The following PTPRZ1 variants were observed in gnomAD, a reference collection of about 807,000 sequenced individuals.
PTPRZ1 encodes the protein protein tyrosine phosphatase receptor type Z1.
In PTPRZ1, 82 loss-of-function variants were observed where a neutral mutation model predicts 214.1. That is an observed-to-expected ratio of 0.38 (90% CI 0.32 to 0.46). The LOEUF (loss-of-function observed/expected upper bound fraction) is 0.46, where lower values mean the gene tolerates loss of function less well. PTPRZ1 is among the 20% of genes least tolerant of loss of function. The pLI, the probability that PTPRZ1 is intolerant of heterozygous loss-of-function variation, is 1.00. For synonymous variants in PTPRZ1, 945 were observed against 987.9 expected, an observed-to-expected ratio of 0.96 and a Z score of 0.81; for missense variants, 2,603 against 2,748.7, an observed-to-expected ratio of 0.95 and a Z score of 1.19.
intron 10 of PTPRZ1, among the ~76,000 whole-genome samples, chr7:121,998,807 A>G (rs537443903): frequency 6.6e-6 from 1 of 152,266 alleles, no homozygotes; most frequent in African/African-American, 2.4e-5. Flanking sequence ...ATACGTAAAT[A>G]TATATATTCT....
chr7:122,001,358 T>C (rs1363955718), intron 10 of PTPRZ1, among the ~76,000 whole-genome samples: 1 of 152,178 alleles, frequency 6.6e-6, no homozygotes, highest in Non-Finnish European at 1.5e-5. Context: ...ATTTCTCATA[T>C]AAAGATAAAG....
intron 1 of PTPRZ1, among the ~76,000 whole-genome samples, chr7:121,888,299 C>T (rs1326747494): frequency 6.6e-6 from 1 of 151,608 alleles, no homozygotes; most frequent in Non-Finnish European, 1.5e-5. Flanking sequence ...TAGATGAAGA[C>T]TCCCCAGTAA....
intron 13 of PTPRZ1, among the ~76,000 whole-genome samples, chr7:122,021,604 T>G (rs1799018602): frequency 6.6e-6 from 1 of 152,080 alleles, no homozygotes; most frequent in Admixed American, 6.6e-5. Context: ...TAGCTGGGCA[T>G]GGTAGGGCAT....
At chr7:122,017,580 G>A (rs1001103863) in intron 12 of PTPRZ1, among the ~76,000 whole-genome samples, 3 of 53,214 alleles carry the variant, frequency 5.6e-5, no homozygotes, top group African/African-American at 4.1e-4. Context: ...TATTTATTTT[G>A]AGATAGAGTC....
At chr7:121,888,358 A>G (rs1184161844) in intron 1 of PTPRZ1, among the ~76,000 whole-genome samples, 1 of 152,092 alleles carries the variant, frequency 6.6e-6, no homozygotes, top group East Asian at 1.9e-4. Flanking sequence ...TGTGAAAAAT[A>G]AAAGTCTATC....
chr7:121,999,327 C>T (rs965898688), intron 10 of PTPRZ1, among the ~76,000 whole-genome samples: 6 of 151,980 alleles, frequency 3.9e-5, no homozygotes, highest in East Asian at 1.9e-4. Flanking sequence ...TATAGAAAGG[C>T]GAGTATCAAA....
At chr7:122,038,679 A>T in intron 18 of PTPRZ1, 76 bp from the exon 19 acceptor site, 1 of 1,387,134 alleles carries the variant, frequency 7.2e-7, no homozygotes, top group Non-Finnish European at 9.7e-7. Context: ...TGCTGACCTT[A>T]AAAACTTAGG....
At chr7:121,935,653 C>T (rs117069750) in intron 2 of PTPRZ1, among the ~76,000 whole-genome samples, 17,555 of 152,042 alleles carry the variant, frequency 0.12, 1,377 homozygotes, top group South Asian at 0.32. Context: ...CTGCAATCTC[C>T]GCCTCCCAGG....
intron 13 of PTPRZ1, among the ~76,000 whole-genome samples, chr7:122,025,551 G>T (rs920870141): frequency 2.6e-5 from 4 of 151,936 alleles, no homozygotes; most frequent in Admixed American, 1.3e-4. Flanking sequence ...GACTGGTCTT[G>T]AACTCCCGAC....
At chr7:121,988,361 T>C (rs1797832935) in intron 8 of PTPRZ1, among the ~76,000 whole-genome samples, 1 of 152,166 alleles carries the variant, frequency 6.6e-6, no homozygotes, top group Non-Finnish European at 1.5e-5. Flanking sequence ...AGCAATGAAA[T>C]AGAAAAGTCA....
intron 1 of PTPRZ1, among the ~76,000 whole-genome samples, chr7:121,913,813 C>T (rs187357674): frequency 6.6e-6 from 1 of 152,012 alleles, no homozygotes; most frequent in East Asian, 1.9e-4. Flanking sequence ...TAATGTTCAA[C>T]CAAAAGAATT....
intron 1 of PTPRZ1, among the ~76,000 whole-genome samples, chr7:121,881,276 T>G (rs1356454047): frequency 1.3e-5 from 2 of 152,210 alleles, no homozygotes; most frequent in Non-Finnish European, 2.9e-5. Flanking sequence ...GATCTTAAAC[T>G]TCCCAGCCTC....
chr7:121,996,713 A>G lies in PTPRZ1; in HGVS notation c.1113+147A>G, dbSNP rs1798150674. On this transcript the variant is annotated intron_variant, in intron 9 of 29. Coordinates refer to ENST00000393386, the MANE Select transcript of PTPRZ1 (RefSeq NM_002851.3). ...GTAGGCTGAGTATTTTTAAATTTAA[A>G]AAAAAATTTTAAATTAGAAGCTATA... 3 of 549,266 alleles carry G rather than the reference A, an allele frequency of 5.5e-6. No individual in the cohort carries two copies. The East Asian group carries it at 9.9e-5, about 18-fold the overall frequency. The allele number at this position is 549,266 out of a possible 1,614,324, so 34.0% of individuals were successfully genotyped here.
At chr7:121,940,729 C>A (rs1328998438) in intron 2 of PTPRZ1, among the ~76,000 whole-genome samples, 2 of 151,632 alleles carry the variant, frequency 1.3e-5, no homozygotes, top group East Asian at 3.9e-4. Context: ...GGACTTCTGA[C>A]AGGTTTATGT....
chr7:122,024,917 A>G (rs1031551364), intron 13 of PTPRZ1, among the ~76,000 whole-genome samples: 1 of 152,152 alleles, frequency 6.6e-6, no homozygotes, highest in Non-Finnish European at 1.5e-5. Flanking sequence ...CCATTCGTCC[A>G]TCCTTCTCTA....
Position 122,034,117 on chromosome 7 carries a change from T to TA in PTPRZ1, c.5187+4dup. On this transcript the variant is annotated splice_region_variant and intron_variant, in intron 16 of 29. Transcript: ENST00000393386. ...TAGACACTGAAAGAGTTTTACCAGG[T>TA]AAGGCATTATTTCACTGCATTTTCT... The TA allele has an allele frequency of 6.3e-7, 1 of 1,596,434 alleles. No homozygotes were observed. The highest frequency in any genetic ancestry group is 8.6e-7 in the Non-Finnish European group (1 of 1,164,494).
chr7:122,026,103 G>A (rs1469257981), intron 13 of PTPRZ1, among the ~76,000 whole-genome samples: 1 of 152,150 alleles, frequency 6.6e-6, no homozygotes, highest in African/African-American at 2.4e-5. Flanking sequence ...TATTCTTTGA[G>A]TACCATTTGT....
chr7:121,978,308 C>T (rs1390712540), intron 6 of PTPRZ1, among the ~76,000 whole-genome samples: 2 of 152,146 alleles, frequency 1.3e-5, no homozygotes, highest in Non-Finnish European at 2.9e-5. Flanking sequence ...TTTACCCCCT[C>T]TCTCTCTGTC....
At chr7:122,022,409 G>A (rs1475509307) in intron 13 of PTPRZ1, among the ~76,000 whole-genome samples, 1 of 152,030 alleles carries the variant, frequency 6.6e-6, no homozygotes, top group Non-Finnish European at 1.5e-5. Context: ...TTGTTTGTTT[G>A]TTTTGTTTTA....
Sources: gnomAD v4.1 joint callset for allele counts (sites outside exome capture counted in the v4.1 genomes callset) on GRCh38, gnomAD v4.1.1 for gene constraint, MANE v1.5 for transcripts, NCBI Gene and HGNC (gene_info 2026-07-23, HGNC 2026-07-21) for gene names.